The following TMTC1 variants were observed in gnomAD, a reference collection of about 807,000 sequenced individuals.
The protein encoded by TMTC1 is transmembrane O-mannosyltransferase targeting cadherins 1, also known as protein O-mannosyl-transferase TMTC1.
In TMTC1, 73 loss-of-function variants were observed where a neutral mutation model predicts 104.8. The observed-to-expected ratio is 0.70, with a 90% CI of 0.58 to 0.85. TMTC1 has a LOEUF of 0.85. TMTC1 is among the 40% of genes least tolerant of loss of function. The pLI is 0.00. For synonymous variants in TMTC1, 434 were observed against 428.7 expected (o/e 1.01, Z -0.15); for missense variants, 1,035 against 1,096.1 (o/e 0.94, Z 0.79).
At chr12:29,737,945 C>T (rs1942724534) in intron 5 of TMTC1, among the ~76,000 whole-genome samples, 2 of 152,154 alleles carry the variant, frequency 1.3e-5, no homozygotes, top group African/African-American at 4.8e-5. Context: ...GCCAATCTTG[C>T]AAGACACTGA....
chr12:29,780,345 A>G (rs1228500725), intron 1 of TMTC1, among the ~76,000 whole-genome samples: 2 of 152,242 alleles, frequency 1.3e-5, no homozygotes, highest in Non-Finnish European at 2.9e-5. Context: ...TACATGCAAC[A>G]GCCTGAATGA....
At chr12:29,680,805 A>G (rs2136713007) in intron 5 of TMTC1, among the ~76,000 whole-genome samples, 1 of 152,308 alleles carries the variant, frequency 6.6e-6, no homozygotes, top group Middle Eastern at 3.4e-3. Flanking sequence ...AAACTGCCAG[A>G]TGAGAAGTAA....
chr12:29,774,955 G>A (rs1252155615), intron 1 of TMTC1, among the ~76,000 whole-genome samples: 1 of 152,190 alleles, frequency 6.6e-6, no homozygotes, highest in Non-Finnish European at 1.5e-5. Context: ...ATCTGGCTAT[G>A]AGGAAGCTGC....
At chr12:29,605,087 C>T (rs539886369) in intron 6 of TMTC1, among the ~76,000 whole-genome samples, 1 of 152,026 alleles carries the variant, frequency 6.6e-6, no homozygotes, top group Non-Finnish European at 1.5e-5. Context: ...GGTATAGACA[C>T]ATTTGAAGAG....
Position 29,617,542 on chromosome 12 carries a change from G to C in TMTC1, c.1129-13243C>G, listed in dbSNP as rs987673234. ...CAGTAAGCAAAACAGACAACAGAGAGAGAGAGAGAGAGAGAGAGAGAGAGA... is the reference window on the plus strand; with the variant it reads ...CAGTAAGCAAAACAGACAACAGAGACAGAGAGAGAGAGAGAGAGAGAGAGA... On this transcript the variant is annotated intron_variant, in intron 6 of 17. Coordinates refer to ENST00000539277, the MANE Select transcript of TMTC1 (RefSeq NM_001193451.2). 7.8e-4 allele frequency among the ~76,000 whole-genome samples: 116 copies of C among 148,678 alleles called. 1 individual carries two copies. The highest frequency in any genetic ancestry group is 2.4e-3 in the African/African-American group (91 of 38,522).
chr12:29,553,483 C>A (rs151131629), intron 10 of TMTC1, among the ~76,000 whole-genome samples: 1 of 152,066 alleles, frequency 6.6e-6, no homozygotes, highest in Non-Finnish European at 1.5e-5. Flanking sequence ...AGGAGGTAAA[C>A]AAGGATAACT....
rs1407963746 is a variant in TMTC1 at position 29,556,895 on chromosome 12, C to G, written c.1638G>C (p.Gln546His). 5 of 1,613,944 alleles carry G rather than the reference C, an allele frequency of 3.1e-6. No homozygotes were observed. The highest frequency in any genetic ancestry group is 3.4e-6 in the Non-Finnish European group (4 of 1,179,946). ...YYQRALQLHP[Q>H]HNRALFNLGN... ...CCAGATTGAAAAGAGCCCGGTTATG[C>G]TGTGGATGGAGCTGGAGAGCCCTCT... Residue 546 changes from glutamine (Q) to histidine (H), a missense_variant, in exon 10 of 18, where the codon CAG (glutamine) becomes CAC (histidine). By Grantham distance (24) the Gln-to-His change is conservative. Coordinates refer to ENST00000539277, the MANE Select transcript of TMTC1 (RefSeq NM_001193451.2).
intron 5 of TMTC1, among the ~76,000 whole-genome samples, chr12:29,648,955 G>A (rs1227281930): frequency 2.0e-5 from 3 of 151,958 alleles, no homozygotes; most frequent in Non-Finnish European, 4.4e-5. Context: ...GTAGCCATAT[G>A]GGGCCCGCAG....
intron 17 of TMTC1, among the ~76,000 whole-genome samples, chr12:29,509,233 A>T (rs1943768084): frequency 6.6e-6 from 1 of 152,232 alleles, no homozygotes; most frequent in Non-Finnish European, 1.5e-5. Context: ...TTTGTGCTAT[A>T]GCCTGGTTGA....
At chr12:29,632,789 C>T (rs368639679) in intron 6 of TMTC1, among the ~76,000 whole-genome samples, 4 of 152,182 alleles carry the variant, frequency 2.6e-5, no homozygotes, top group African/African-American at 7.2e-5. Flanking sequence ...CCAACTACCC[C>T]TGGCAGTCAC....
intron 2 of TMTC1, among the ~76,000 whole-genome samples, chr12:29,767,202 C>T (rs1333205180): frequency 6.6e-6 from 1 of 152,178 alleles, no homozygotes; most frequent in African/African-American, 2.4e-5. Context: ...ATCTGCCTGT[C>T]TCAGCCTCCC....
At chr12:29,662,412 G>T (rs542513498) in intron 5 of TMTC1, among the ~76,000 whole-genome samples, 1 of 152,286 alleles carries the variant, frequency 6.6e-6, no homozygotes, top group African/African-American at 2.4e-5. Context: ...AGCACTTTGG[G>T]AGGCGGAGGC....
chr12:29,518,451 A>G, intron 13 of TMTC1, 21 bp downstream of exon 13: 1 of 1,607,156 alleles, frequency 6.2e-7, no homozygotes. Context: ...CAACTTATAA[A>G]GAAAAGAAAG....
chr12:29,651,741 T>C (rs537463859), intron 5 of TMTC1, among the ~76,000 whole-genome samples: 1 of 152,316 alleles, frequency 6.6e-6, no homozygotes, highest in South Asian at 2.1e-4. Flanking sequence ...AGGTGAGGCA[T>C]AGGTGTGTGA....
chr12:29,749,847 C>T (rs937816284), intron 5 of TMTC1, among the ~76,000 whole-genome samples: 86 of 152,080 alleles, frequency 5.7e-4, no homozygotes, highest in African/African-American at 1.7e-3. Flanking sequence ...CATTAATTAG[C>T]GAGTCCTATT....
intron 5 of TMTC1, among the ~76,000 whole-genome samples, chr12:29,729,625 A>G (rs1156310734): frequency 6.6e-6 from 1 of 152,176 alleles, no homozygotes; most frequent in Non-Finnish European, 1.5e-5. Flanking sequence ...ATGGGTGATA[A>G]CAGTTCCTCT....
At chr12:29,636,629 C>T (rs183942029) in intron 5 of TMTC1, among the ~76,000 whole-genome samples, 31 of 151,986 alleles carry the variant, frequency 2.0e-4, no homozygotes, top group African/African-American at 6.3e-4. Context: ...ACCATCCTGT[C>T]CAACATGGTG....
chr12:29,545,629 T>C (rs933172397), intron 10 of TMTC1, among the ~76,000 whole-genome samples: 4 of 73,530 alleles, frequency 5.4e-5, no homozygotes, highest in Non-Finnish European at 8.2e-5. Context: ...CAAGACTCTG[T>C]CACACACACA....
chr12:29,758,834 T>C (rs2136993951), intron 2 of TMTC1, 57 bp from the exon 3 acceptor site: 4 of 1,413,380 alleles, frequency 2.8e-6, no homozygotes, highest in Admixed American at 4.4e-5. Context: ...CAGAAAACTA[T>C]TACACAAATC....
Sources: allele counts gnomAD v4.1 joint callset (sites outside exome capture counted in the v4.1 genomes callset), GRCh38; gene constraint gnomAD v4.1.1; transcripts MANE v1.5; gene names NCBI Gene and HGNC (gene_info 2026-07-23, HGNC 2026-07-21).